Variants in DIAPH2 observed in about 807,000 individuals in gnomAD.
The protein encoded by DIAPH2 is protein diaphanous homolog 2.
DIAPH2 carries 35 observed loss-of-function variants against 92.7 expected under a neutral mutation model. The ratio of observed to expected loss-of-function variants is 0.38; its 90% CI spans 0.29 to 0.50. The LOEUF (loss-of-function observed/expected upper bound fraction) is 0.50, where lower values mean the gene tolerates loss of function less well. Among genes scored for constraint, DIAPH2 ranks in the 20% least tolerant of loss-of-function variants. The pLI is 0.94. For synonymous variants in DIAPH2, 301 were observed against 280.4 expected (o/e 1.07, Z -0.73); for missense variants, 701 against 819.5 (o/e 0.86, Z 1.77).
intron 25 of DIAPH2, among the ~76,000 whole-genome samples, chrX:97,425,610 A>G (rs1444278680): frequency 9.2e-6 from 1 of 108,726 alleles, no homozygotes; most frequent in Admixed American, 1.0e-4. Flanking sequence ...CCTTGTTTCT[A>G]CTAAAAATAC....
intron 4 of DIAPH2, among the ~76,000 whole-genome samples, chrX:96,858,093 A>T (rs2065051360): frequency 8.9e-6 from 1 of 112,371 alleles, no homozygotes; most frequent in South Asian, 3.7e-4. Flanking sequence ...AACAGTGATA[A>T]AATATTTGAT....
At chrX:96,835,193 G>A (rs1353728489) in intron 4 of DIAPH2, among the ~76,000 whole-genome samples, 3 of 111,821 alleles carry the variant, frequency 2.7e-5, no homozygotes, top group South Asian at 3.8e-4. Context: ...GAGGAAACTG[G>A]CTCAATCCAA....
intron 23 of DIAPH2, among the ~76,000 whole-genome samples, chrX:97,331,664 T>C (rs1272621447): frequency 8.9e-6 from 1 of 112,282 alleles, no homozygotes; most frequent in Non-Finnish European, 1.9e-5. Flanking sequence ...ACTGCTATGA[T>C]TGAAGTATTA....
chrX:97,259,278 G>C (rs183135750), intron 23 of DIAPH2, among the ~76,000 whole-genome samples: 1 of 110,058 alleles, frequency 9.1e-6, no homozygotes, highest in Admixed American at 9.7e-5. Flanking sequence ...AGTGAGCCAA[G>C]ATCCTGCCAC....
intron 17 of DIAPH2, among the ~76,000 whole-genome samples, chrX:96,996,747 T>C (rs1220904997): frequency 8.9e-6 from 1 of 111,854 alleles, no homozygotes; most frequent in Non-Finnish European, 1.9e-5. Flanking sequence ...AATGACTGTG[T>C]ATATATGCCA....
rs767048645 is a variant in DIAPH2, at chrX:97,054,245, AT to A, written c.2051-18693del. Among the ~76,000 whole-genome samples, 3 of 112,228 alleles carry A rather than the reference AT, an allele frequency of 2.7e-5. No individual in the cohort carries two copies. In the East Asian group the frequency reaches 8.4e-4, roughly 31 times the overall value. On this transcript the variant is annotated intron_variant, in intron 17 of 26. Transcript: ENST00000324765. ...TACAATTTAGTTTCTAACATGTATA[AT>A]TTAAGAATTTTTACAGTTTGGCAAT...
chrX:97,261,784 A>G (rs2068289727), intron 23 of DIAPH2, among the ~76,000 whole-genome samples: 1 of 111,346 alleles, frequency 9.0e-6, no homozygotes, highest in Admixed American at 9.6e-5. Flanking sequence ...GCAAATAAGT[A>G]CATTTATGTA....
intron 22 of DIAPH2, among the ~76,000 whole-genome samples, chrX:97,185,329 A>ATATATATATATGTATATATATG: frequency 2.1e-4 from 2 of 9,406 alleles, no homozygotes; most frequent in African/African-American, 6.5e-4. Flanking sequence ...ATATATGTGT[A>ATATATATATATGTATATATATG]TATATATATA....
intron 8 of DIAPH2, 108 bp downstream of exon 8, chrX:96,916,682 T>C: frequency 1.2e-6 from 1 of 815,984 alleles, no homozygotes; most frequent in Non-Finnish European, 1.7e-6. Context: ...GAAAACAGTA[T>C]TTTAGATAAT....
intron 4 of DIAPH2, among the ~76,000 whole-genome samples, chrX:96,806,369 G>A (rs1004385801): frequency 2.5e-4 from 28 of 110,673 alleles, no homozygotes; most frequent in African/African-American, 6.2e-4. Context: ...TTTCATAGTC[G>A]GGTGTGGTGG....
intron 4 of DIAPH2, among the ~76,000 whole-genome samples, chrX:96,767,439 G>T (rs952806838): frequency 9.0e-6 from 1 of 111,345 alleles, no homozygotes; most frequent in Non-Finnish European, 1.9e-5. Flanking sequence ...TTGATAAAAT[G>T]AAGAGAATAA....
intron 20 of DIAPH2, among the ~76,000 whole-genome samples, chrX:97,104,966 G>A (rs1407491125): frequency 1.8e-5 from 2 of 111,502 alleles, no homozygotes; most frequent in Admixed American, 9.5e-5. Flanking sequence ...GCAAAACCCC[G>A]TCTCTACAAA....
rs1569436451 is a variant in DIAPH2, at chrX:96,962,324, C to CACATATATATATACATATATATATAT, written c.1936-2765_1936-2740dup. ...ACATATATATATACATATATATATA[C>CACATATATATATACATATATATATAT]ACATATATATATACATATATATATA... is the stretch of plus-strand genomic sequence containing the variant. On this transcript the variant is annotated intron_variant, in intron 16 of 26. Coordinates refer to ENST00000324765, the MANE Select transcript of DIAPH2 (RefSeq NM_006729.5). Among the ~76,000 whole-genome samples the CACATATATATATACATATATATATAT allele has an allele frequency of 2.1e-4, 7 of 33,382 alleles. 1 individual carries two copies. Among genetic ancestry groups the CACATATATATATACATATATATATAT allele is most frequent in the Non-Finnish European group, 4.2e-4 (7 of 16,536 alleles). 29.0% of individuals were successfully genotyped at this position (33,382 alleles called of 115,157 possible).
At chrX:96,848,360 G>T (rs926816101) in intron 4 of DIAPH2, among the ~76,000 whole-genome samples, 1 of 112,104 alleles carries the variant, frequency 8.9e-6, no homozygotes, top group Non-Finnish European at 1.9e-5. Flanking sequence ...AATTCATGGA[G>T]AGAAAATGGG....
intron 19 of DIAPH2, among the ~76,000 whole-genome samples, chrX:97,096,818 G>C (rs2066872619): frequency 9.0e-6 from 1 of 111,603 alleles, no homozygotes; most frequent in Non-Finnish European, 1.9e-5. Context: ...AACAACTACA[G>C]TGCACTCAGA....
chrX:97,439,572 A>G (rs1188557460), intron 26 of DIAPH2, among the ~76,000 whole-genome samples: 3 of 108,910 alleles, frequency 2.8e-5, no homozygotes, highest in Non-Finnish European at 5.7e-5. Context: ...TCCGTCTCAA[A>G]AAAAAAAAAA....
At chrX:96,931,582 G>A (rs2065619431) in intron 10 of DIAPH2, among the ~76,000 whole-genome samples, 2 of 109,508 alleles carry the variant, frequency 1.8e-5, no homozygotes, top group African/African-American at 3.3e-5. Context: ...TAAAAGTAAG[G>A]AAGTGAGAAA....
intron 23 of DIAPH2, among the ~76,000 whole-genome samples, chrX:97,334,839 G>A (rs1376562661): frequency 9.4e-6 from 1 of 106,422 alleles, no homozygotes; most frequent in Non-Finnish European, 1.9e-5. Context: ...AAAATAGTCG[G>A]GTGTGGTGGC....
chrX:96,794,362 C>G (rs1040500480), intron 4 of DIAPH2, among the ~76,000 whole-genome samples: 1 of 111,004 alleles, frequency 9.0e-6, no homozygotes, highest in African/African-American at 3.3e-5. Context: ...AGTAGGCATT[C>G]AAGAAAGGTA....
Sources: allele counts gnomAD v4.1 joint callset (sites outside exome capture counted in the v4.1 genomes callset), GRCh38; gene constraint gnomAD v4.1.1; transcripts MANE v1.5; gene names NCBI Gene and HGNC (gene_info 2026-07-23, HGNC 2026-07-21).